The following CAMTA1 variants were observed in gnomAD, a reference collection of about 807,000 sequenced individuals.
CAMTA1 encodes the protein calmodulin-binding transcription activator 1.
CAMTA1 carries 27 observed loss-of-function variants against 170.9 expected under a neutral mutation model. The ratio of observed to expected loss-of-function variants is 0.16; its 90% CI spans 0.12 to 0.22. The LOEUF (loss-of-function observed/expected upper bound fraction) is 0.22. Ranked by LOEUF, CAMTA1 falls within the 10% of genes least tolerant of loss-of-function variation. The pLI is 1.00. For synonymous variants in CAMTA1, 833 were observed against 891.5 expected (o/e 0.93, Z 1.17); for missense variants, 1,619 against 2,217.2 (o/e 0.73, Z 5.42).
intron 1 of CAMTA1, 53 bp downstream of exon 1, chr1:6,785,628 C>T: frequency 1.0e-6 from 1 of 962,514 alleles, no homozygotes; most frequent in Non-Finnish European, 1.2e-6. Context: ...CGGCGGGACC[C>T]GGCCCCGCCG....
intron 5 of CAMTA1, among the ~76,000 whole-genome samples, chr1:7,326,174 T>C (rs2149711770): frequency 6.6e-6 from 1 of 152,306 alleles, no homozygotes; most frequent in African/African-American, 2.4e-5. Context: ...ATCCAGGTTT[T>C]GTGGACCTTA....
At chr1:7,365,550 C>T (rs1228884459) in intron 5 of CAMTA1, among the ~76,000 whole-genome samples, 1 of 152,168 alleles carries the variant, frequency 6.6e-6, no homozygotes, top group African/African-American at 2.4e-5. Flanking sequence ...TGTGGACTTC[C>T]CTGGGCCTGC....
At chr1:7,078,582 G>A (rs1639620452) in intron 3 of CAMTA1, among the ~76,000 whole-genome samples, 1 of 152,138 alleles carries the variant, frequency 6.6e-6, no homozygotes, top group African/African-American at 2.4e-5. Context: ...ACCTCTCAAA[G>A]AATAAAATAA....
At chr1:7,233,001 T>C (rs1440853309) in intron 4 of CAMTA1, among the ~76,000 whole-genome samples, 3 of 146,512 alleles carry the variant, frequency 2.0e-5, no homozygotes, top group Non-Finnish European at 4.5e-5. Flanking sequence ...CTTAGGTAGG[T>C]GGGGGGTAGA....
At chr1:7,106,738 G>A (rs567863806) in intron 4 of CAMTA1, among the ~76,000 whole-genome samples, 1 of 152,164 alleles carries the variant, frequency 6.6e-6, no homozygotes, top group African/African-American at 2.4e-5. Context: ...TGATCCTACG[G>A]TAGGCCTTCA....
At chr1:6,960,260 C>A (rs1690143453) in intron 3 of CAMTA1, among the ~76,000 whole-genome samples, 1 of 152,074 alleles carries the variant, frequency 6.6e-6, no homozygotes, top group African/African-American at 2.4e-5. Flanking sequence ...TTCCTGGGGG[C>A]AGAGAGCAGT....
Position 7,041,394 on chromosome 1 carries a change from C to T in CAMTA1, c.235-49910C>T, listed in dbSNP as rs760537998. Among the ~76,000 whole-genome samples, 4 of 152,344 alleles carry T rather than the reference C, an allele frequency of 2.6e-5. No individual in the cohort carries two copies. The highest frequency in any genetic ancestry group is 6.5e-5 in the Admixed American group (1 of 15,308). Reference sequence around the variant, plus strand: ...CACTGTTTGAAACACACACACACAACAGAACATAAATCAGAGGCAGAATCT... The same window carrying T: ...CACTGTTTGAAACACACACACACAATAGAACATAAATCAGAGGCAGAATCT... On this transcript the variant is annotated intron_variant, in intron 3 of 22. Coordinates refer to ENST00000303635, the MANE Select transcript of CAMTA1 (RefSeq NM_015215.4). This position sits in a 1 kb window ranked among gnomAD's most constrained non-coding sequence, Gnocchi z 5.1.
chr1:7,384,842 C>T (rs2087749100), intron 5 of CAMTA1, among the ~76,000 whole-genome samples: 4 of 152,066 alleles, frequency 2.6e-5, no homozygotes, highest in Admixed American at 2.6e-4. Context: ...ACTCCGGGGA[C>T]ATGTCCAACT....
In CAMTA1 at chr1:7,680,851, CGCGCGCGCG is replaced by C. The variant is rs2096190153; in HGVS notation, c.2914+3119_2914+3127del. Among the ~76,000 whole-genome samples the C allele has an allele frequency of 9.4e-5, 10 of 106,010 alleles. No homozygotes were observed. Among genetic ancestry groups the C allele is most frequent in the South Asian group, 3.4e-4 (1 of 2,962 alleles). The allele number at this position is 106,010 out of a possible 152,430, so 69.5% of individuals were successfully genotyped here. A position where few individuals can be genotyped will look rare whatever the true frequency, so the allele number is the denominator to read the frequency against. On this transcript the variant is annotated intron_variant, in intron 11 of 22. Coordinates refer to ENST00000303635, the MANE Select transcript of CAMTA1 (RefSeq NM_015215.4). The surrounding 1 kb of genome is among the most constrained non-coding windows in gnomAD (Gnocchi z 4.4). ...CCGGGGCGCAGAGAACACGCGCGCG[CGCGCGCGCG>C]CCAGCAGCAGCAGCAGCAGCAGCTG...
intron 4 of CAMTA1, among the ~76,000 whole-genome samples, chr1:7,156,752 C>A (rs542909306): frequency 6.6e-6 from 1 of 152,306 alleles, no homozygotes; most frequent in East Asian, 1.9e-4. Context: ...TTATGGCAAG[C>A]AGATCATTCA....
intron 5 of CAMTA1, among the ~76,000 whole-genome samples, chr1:7,328,143 C>G (rs2082804649): frequency 6.6e-6 from 1 of 152,120 alleles, no homozygotes; most frequent in African/African-American, 2.4e-5. Context: ...CTTTTCCTGA[C>G]TGGGATTCAC....
intron 6 of CAMTA1, among the ~76,000 whole-genome samples, chr1:7,528,029 G>A (rs888520214): frequency 2.6e-5 from 4 of 152,152 alleles, no homozygotes; most frequent in South Asian, 2.1e-4. Context: ...TAGGAAGCCC[G>A]TGACCACTGC....
intron 5 of CAMTA1, among the ~76,000 whole-genome samples, chr1:7,460,623 C>A (rs34076587): frequency 0.14 from 20,617 of 151,142 alleles, 1,487 homozygotes; most frequent in Middle Eastern, 0.18. Context: ...GCCCCCAGTT[C>A]TGCCTCTCAC....
intron 22 of CAMTA1, among the ~76,000 whole-genome samples, chr1:7,757,953 G>A (rs1046716894): frequency 6.6e-6 from 1 of 151,958 alleles, no homozygotes; most frequent in African/African-American, 2.4e-5. Flanking sequence ...GAGCTGGCTC[G>A]GAGACGTTTT....
intron 8 of CAMTA1, 142 bp from the exon 9 acceptor site, chr1:7,663,211 G>A (rs1013363562): frequency 9.6e-5 from 107 of 1,109,606 alleles, no homozygotes; most frequent in African/African-American, 6.3e-5. Flanking sequence ...CTGGGGTACC[G>A]GGCCTGGACT....
At chr1:7,320,693 G>T (rs1478763693) in intron 5 of CAMTA1, among the ~76,000 whole-genome samples, 8 of 145,176 alleles carry the variant, frequency 5.5e-5, no homozygotes, top group African/African-American at 2.1e-4. Flanking sequence ...AGCCAGCATG[G>T]TGAGAGGGAT....
chr1:6,828,184 A>G (rs1647958337), intron 3 of CAMTA1, among the ~76,000 whole-genome samples: 1 of 152,060 alleles, frequency 6.6e-6, no homozygotes, highest in South Asian at 2.1e-4. Flanking sequence ...CTCTATACTA[A>G]TAAGGAATTC....
At chr1:7,653,630 C>T (rs1349210429) in intron 7 of CAMTA1, among the ~76,000 whole-genome samples, 1 of 152,104 alleles carries the variant, frequency 6.6e-6, no homozygotes, top group Non-Finnish European at 1.5e-5. Flanking sequence ...TGTCCAATAA[C>T]TATCATTGTT....
intron 3 of CAMTA1, among the ~76,000 whole-genome samples, chr1:6,997,310 G>A (rs756330650): frequency 2.6e-5 from 4 of 152,146 alleles, no homozygotes; most frequent in Non-Finnish European, 5.9e-5. Context: ...ATGCGTTAAA[G>A]TCTCCAACCA....
Sources: allele counts gnomAD v4.1 joint callset (sites outside exome capture counted in the v4.1 genomes callset), GRCh38; gene constraint gnomAD v4.1.1; non-coding constraint Gnocchi (gnomAD v3.1); transcripts MANE v1.5; gene names NCBI Gene and HGNC (gene_info 2026-07-23, HGNC 2026-07-21).